FZD1: variants seen among roughly 807,000 people sequenced by gnomAD.
FZD1 encodes the protein frizzled class receptor 1.
FZD1 carries 22 observed loss-of-function variants against 48.0 expected under a neutral mutation model. That is an observed-to-expected ratio of 0.46 (90% CI 0.33 to 0.65). The LOEUF (loss-of-function observed/expected upper bound fraction) is 0.65, where lower values mean the gene tolerates loss of function less well. Ranked by LOEUF, FZD1 falls within the 30% of genes least tolerant of loss-of-function variation. FZD1 has a pLI of 0.02. For synonymous variants in FZD1, 486 were observed against 409.6 expected (o/e 1.19, Z -2.25); for missense variants, 843 against 898.1 (o/e 0.94, Z 0.78).
Position 91,266,882 on chromosome 7 carries a change from CA to C in FZD1, c.*59del, listed in dbSNP as rs1164618842. The C allele has an allele frequency of 5.2e-5, 61 of 1,175,912 alleles. No individual in the cohort carries two copies. The highest frequency in any genetic ancestry group is 5.4e-5 in the Non-Finnish European group (44 of 822,038). 72.8% of individuals were successfully genotyped at this position (1,175,912 alleles called of 1,614,324 possible). A position where few individuals can be genotyped will look rare whatever the true frequency, so the allele number is the denominator to read the frequency against. On this transcript the variant is annotated 3_prime_UTR_variant, in exon 1 of 1. Transcript: ENST00000287934. The surrounding 1 kb of genome is among the most constrained non-coding windows in gnomAD (Gnocchi z 6.8). ...CCGGGGCGCAGCGATCCCCCAAAGC[CA>C]GCGCCGTGGAGTTCGTGCCAATCCT...
Position 91,266,012 on chromosome 7 carries a change from C to A in FZD1, c.1132C>A (p.Arg378=). The A allele has an allele frequency of 6.2e-7, 1 of 1,614,146 alleles. No homozygotes were observed. The highest frequency in any genetic ancestry group is 8.5e-7 in the Non-Finnish European group (1 of 1,180,028). The change falls in exon 1 of 1, where the codon CGA becomes AGA. Residue 378 remains arginine (R), a synonymous_variant. Transcript: ENST00000287934. The surrounding 1 kb of genome is among the most constrained non-coding windows in gnomAD (Gnocchi z 6.8). ...CATCGCCGGCTTCCTCCTGGAAGAC[C>A]GAGTGGTGTGTAATGACAAGTTCGC... ...AYIAGFLLED[R]VVCNDKFAED... is the part of the protein sequence containing the mutation.
chr7:91,265,387 G>T lies in FZD1; in HGVS notation c.507G>T (p.Leu169=). Residue 169 remains leucine (L), a synonymous_variant, in exon 1 of 1, where the codon CTG becomes CTT. Transcript: ENST00000287934. The surrounding 1 kb of genome is among the most constrained non-coding windows in gnomAD (Gnocchi z 6.9). ...VQCSAELKFF[L]CSMYAPVCTV... ...GTTCCGCTGAGCTCAAGTTCTTCCT[G>T]TGCTCCATGTACGCGCCCGTGTGCA... 6.2e-7 allele frequency: 1 copy of T among 1,613,992 alleles called. No individual in the cohort carries two copies. The highest frequency in any genetic ancestry group is 8.5e-7 in the Non-Finnish European group (1 of 1,179,954).
In FZD1 at chr7:91,264,732, A is replaced by C; in HGVS notation, c.-149A>C. ...CGCGGCGGCGGCGGCTGCGGTACGC[A>C]GAACAGGAGCCGGGGGAGCGGGCCG... is the stretch of plus-strand genomic sequence containing the variant. On this transcript the variant is annotated 5_prime_UTR_variant, in exon 1 of 1. Transcript: ENST00000287934. The C allele has an allele frequency of 2.2e-6, 1 of 455,644 alleles. No homozygotes were observed. Among genetic ancestry groups the C allele is most frequent in the Non-Finnish European group, 3.6e-6 (1 of 280,328 alleles). 28.2% of individuals were successfully genotyped at this position (455,644 alleles called of 1,614,324 possible). A position where few individuals can be genotyped will look rare whatever the true frequency, so the allele number is the denominator to read the frequency against.
chr7:91,266,048 G>A lies in FZD1; in HGVS notation c.1168G>A (p.Ala390Thr), dbSNP rs778816712. Residue 390 changes from alanine (A) to threonine (T), a missense_variant, in exon 1 of 1, where the codon GCA becomes ACA. Physicochemically the swap from Ala to Thr is moderately conservative, Grantham distance 58 (BLOSUM62 0). Transcript: ENST00000287934. This position sits in a 1 kb window ranked among gnomAD's most constrained non-coding sequence, Gnocchi z 6.8. ...VCNDKFAEDG[A>T]RTVAQGTKKE... ...TAATGACAAGTTCGCCGAGGACGGG[G>A]CACGCACTGTGGCGCAGGGCACCAA... The A allele has an allele frequency of 1.2e-6, 2 of 1,614,174 alleles. No homozygotes were observed. Among genetic ancestry groups the A allele is most frequent in the Admixed American group, 1.7e-5 (1 of 60,032 alleles).
Position 91,264,923 on chromosome 7 carries a change from G to C in FZD1, c.43G>C (p.Gly15Arg). The C allele has an allele frequency of 1.5e-6, 2 of 1,337,278 alleles. No individual in the cohort carries two copies. Among genetic ancestry groups the C allele is most frequent in the Non-Finnish European group, 1.9e-6 (2 of 1,048,818 alleles). The allele number at this position is 1,337,278 out of a possible 1,614,324, so 82.8% of individuals were successfully genotyped here. A position where few individuals can be genotyped will look rare whatever the true frequency, so the allele number is the denominator to read the frequency against. ...EAPKKSRAAG[G>R]GASWELCAGA... ...GCCTAAGAAGTCCCGGGCCGCCGGC[G>C]GTGGCGCGAGCTGGGAACTTTGTGC... Residue 15 changes from glycine (G) to arginine (R), a missense_variant, in exon 1 of 1, where the codon GGT becomes CGT. Physicochemically the swap from Gly to Arg is moderately radical, Grantham distance 125 (BLOSUM62 -2). This residue lies in a region of FZD1 where 490 missense variants were observed against 466.5 expected (regional missense o/e 1.05). Coordinates refer to ENST00000287934, the MANE Select transcript of FZD1 (RefSeq NM_003505.2).
Position 91,264,468 on chromosome 7 carries a change from A to C in FZD1, c.-413A>C. On this transcript the variant is annotated 5_prime_UTR_variant, in exon 1 of 1. Transcript: ENST00000287934. ...CGCGCGAGGCAGAGGAGAGGGAGCG[A>C]GTTGAGGGATTGACACAAATGGTCA... 7.9e-6 allele frequency: 2 copies of C among 252,388 alleles called. No homozygotes were observed. The highest frequency in any genetic ancestry group is 7.6e-6 in the Non-Finnish European group (1 of 132,256). 15.6% of individuals were successfully genotyped at this position (252,388 alleles called of 1,614,324 possible).
At position 91,264,832 on chromosome 7, in the gene FZD1, G is replaced by GC. The variant is rs1439405637; in HGVS notation, c.-45dup. The GC allele has an allele frequency of 1.6e-5, 20 of 1,243,058 alleles. No individual in the cohort carries two copies. Among genetic ancestry groups the GC allele is most frequent in the Non-Finnish European group, 2.0e-5 (20 of 988,206 alleles). 77.0% of individuals were successfully genotyped at this position (1,243,058 alleles called of 1,614,324 possible). A position where few individuals can be genotyped will look rare whatever the true frequency, so the allele number is the denominator to read the frequency against. On this transcript the variant is annotated 5_prime_UTR_variant, in exon 1 of 1. Transcript: ENST00000287934. Reference sequence around the variant, plus strand: ...CGCAGGGGGAGCCGCCGCCGGCCGTGCCCCTGGCAGCCCCAGCGGAGCGGC... The same window carrying GC: ...CGCAGGGGGAGCCGCCGCCGGCCGTGCCCCCTGGCAGCCCCAGCGGAGCGGC...
At position 91,264,609 on chromosome 7, in the gene FZD1, G is replaced by A; in HGVS notation, c.-272G>A. 1 of 378,894 alleles carries A rather than the reference G, an allele frequency of 2.6e-6. No individual in the cohort carries two copies. Among genetic ancestry groups the A allele is most frequent in the Non-Finnish European group, 4.7e-6 (1 of 213,572 alleles). 23.5% of individuals were successfully genotyped at this position (378,894 alleles called of 1,614,324 possible). A position where few individuals can be genotyped will look rare whatever the true frequency, so the allele number is the denominator to read the frequency against. On this transcript the variant is annotated 5_prime_UTR_variant, in exon 1 of 1. Coordinates refer to ENST00000287934, the MANE Select transcript of FZD1 (RefSeq NM_003505.2). Reference sequence around the variant, plus strand: ...ACTAGCGCGGCGCCGCCAGCCGGGAGCCAGCGAGCCGAGGGCCAGGAAGGC... The same window carrying A: ...ACTAGCGCGGCGCCGCCAGCCGGGAACCAGCGAGCCGAGGGCCAGGAAGGC...
In FZD1 at chr7:91,264,733, G is replaced by A; in HGVS notation, c.-148G>A. 2.1e-6 allele frequency: 1 copy of A among 466,314 alleles called. No individual in the cohort carries two copies. The highest frequency in any genetic ancestry group is 3.5e-6 in the Non-Finnish European group (1 of 289,694). 28.9% of individuals were successfully genotyped at this position (466,314 alleles called of 1,614,324 possible). ...GCGGCGGCGGCGGCTGCGGTACGCAGAACAGGAGCCGGGGGAGCGGGCCGA... is the reference window on the plus strand; with the variant it reads ...GCGGCGGCGGCGGCTGCGGTACGCAAAACAGGAGCCGGGGGAGCGGGCCGA... On this transcript the variant is annotated 5_prime_UTR_variant, in exon 1 of 1. Coordinates refer to ENST00000287934, the MANE Select transcript of FZD1 (RefSeq NM_003505.2).
At position 91,265,224 on chromosome 7, in the gene FZD1, A is replaced by T. The variant is rs988874488; in HGVS notation, c.344A>T (p.Tyr115Phe). The T allele has an allele frequency of 1.2e-6, 2 of 1,613,850 alleles. No homozygotes were observed. Among genetic ancestry groups the T allele is most frequent in the African/African-American group, 2.7e-5 (2 of 74,910 alleles). Reference protein sequence around the residue: ...ERGISVPDHGYCQPISIPLCT... With the variant: ...ERGISVPDHGFCQPISIPLCT... The stretch of plus-strand genomic sequence containing the variant: ...GGCATCTCCGTCCCGGACCACGGCT[A>T]TTGCCAGCCCATCTCCATCCCGCTG... The change falls in exon 1 of 1, where the codon TAT (tyrosine) becomes TTT (phenylalanine). Residue 115 changes from tyrosine to phenylalanine, a missense_variant. Tyr to Phe is a conservative substitution (Grantham distance 22). Coordinates refer to ENST00000287934, the MANE Select transcript of FZD1 (RefSeq NM_003505.2). This position sits in a 1 kb window ranked among gnomAD's most constrained non-coding sequence, Gnocchi z 6.9.
In FZD1 at chr7:91,265,144, A is replaced by ACCGCCG. The variant is rs71292991; in HGVS notation, c.273_278dup (p.Pro92_Pro93dup). 183 of 1,565,956 alleles carry ACCGCCG rather than the reference A, an allele frequency of 1.2e-4. No individual in the cohort carries two copies. The African/African-American group carries it at 1.7e-3, about 14-fold the overall frequency. Reference sequence around the variant, plus strand: ...GCCAGGGGCCCGGGCCGGGGCAGCAACCGCCGCCGCCGCCTCAGCAGCAAC... The same window carrying ACCGCCG: ...GCCAGGGGCCCGGGCCGGGGCAGCAACCGCCGCCGCCGCCGCCGCCTCAGCAGCAAC... On this transcript the variant is annotated inframe_insertion, in exon 1 of 1. Transcript: ENST00000287934. This position sits in a 1 kb window ranked among gnomAD's most constrained non-coding sequence, Gnocchi z 6.9.
Position 91,266,809 on chromosome 7 carries a change from G to A in FZD1, c.1929G>A (p.Gly643=). Residue 643 remains glycine, a synonymous_variant, in exon 1 of 1, where the codon GGG becomes GGA. Coordinates refer to ENST00000287934, the MANE Select transcript of FZD1 (RefSeq NM_003505.2). This position sits in a 1 kb window ranked among gnomAD's most constrained non-coding sequence, Gnocchi z 6.8. ...CGAGGCTCACCAACAGCAAACAAGGGGAGACTACAGTCTGAGACCCGGGGC... is the reference window on the plus strand; with the variant it reads ...CGAGGCTCACCAACAGCAAACAAGGAGAGACTACAGTCTGAGACCCGGGGC... ...FYTRLTNSKQ[G]ETTV 6.3e-7 allele frequency: 1 copy of A among 1,591,904 alleles called. No individual in the cohort carries two copies. The highest frequency in any genetic ancestry group is 8.6e-7 in the Non-Finnish European group (1 of 1,166,928).
rs1186128539 is a variant in FZD1 at position 91,268,283 on chromosome 7, A to G, written c.*1459A>G. On this transcript the variant is annotated 3_prime_UTR_variant, in exon 1 of 1. Transcript: ENST00000287934. The stretch of plus-strand genomic sequence containing the variant: ...CTGGTAAGATTTCAGGAGGTAAAGA[A>G]GGTGGAATAATTGACGGGGAGATAG... 1 of 167,076 alleles carries G rather than the reference A, an allele frequency of 6.0e-6. No individual in the cohort carries two copies. Among genetic ancestry groups the G allele is most frequent in the Non-Finnish European group, 1.5e-5 (1 of 68,114 alleles). The allele number at this position is 167,076 out of a possible 1,614,324, so 10.3% of individuals were successfully genotyped here.
chr7:91,266,640 G>T lies in FZD1; in HGVS notation c.1760G>T (p.Gly587Val). The change falls in exon 1 of 1, where the codon GGC becomes GTC. Residue 587 changes from glycine (G) to valine (V), a missense_variant. Coordinates refer to ENST00000287934, the MANE Select transcript of FZD1 (RefSeq NM_003505.2). This position sits in a 1 kb window ranked among gnomAD's most constrained non-coding sequence, Gnocchi z 6.8. ...ATCCCCTGCCCTCACCTCCAGGCGG[G>T]CGGAGGCGCCCCGCCGCACCCGCCC... ...YAIPCPHLQA[G>V]GGAPPHPPMS... 1 of 1,612,600 alleles carries T rather than the reference G, an allele frequency of 6.2e-7. No individual in the cohort carries two copies. Among genetic ancestry groups the T allele is most frequent in the South Asian group, 1.1e-5 (1 of 91,066 alleles).
rs1475167632 is a variant in FZD1 at position 91,266,203 on chromosome 7, A to C, written c.1323A>C (p.Glu441Asp). 4 of 1,614,024 alleles carry C rather than the reference A, an allele frequency of 2.5e-6. No homozygotes were observed. In the African/African-American group the frequency reaches 5.3e-5, roughly 22 times the overall value. Reference protein sequence around the residue: ...AGMKWGHEAIEANSQYFHLAA... With the variant: ...AGMKWGHEAIDANSQYFHLAA... ...TGAAGTGGGGCCACGAGGCCATCGAAGCCAACTCACAGTATTTTCACCTGG... is the reference window on the plus strand; with the variant it reads ...TGAAGTGGGGCCACGAGGCCATCGACGCCAACTCACAGTATTTTCACCTGG... The change falls in exon 1 of 1, where the codon GAA becomes GAC. Residue 441 changes from glutamate (E) to aspartate (D), a missense_variant. This residue lies in a region of FZD1 where 353 missense variants were observed against 431.6 expected (regional missense o/e 0.82). Transcript: ENST00000287934. The surrounding 1 kb of genome is among the most constrained non-coding windows in gnomAD (Gnocchi z 6.8).
At position 91,265,996 on chromosome 7, in the gene FZD1, C is replaced by T. The variant is rs1803873458; in HGVS notation, c.1116C>T (p.Gly372=). ...YTAVAVAYIA[G]FLLEDRVVCN... ...CCGTGGCCGTGGCCTACATCGCCGG[C>T]TTCCTCCTGGAAGACCGAGTGGTGT... is the stretch of plus-strand genomic sequence containing the variant. The change falls in exon 1 of 1, where the codon GGC becomes GGT. Residue 372 remains glycine (G), a synonymous_variant. Coordinates refer to ENST00000287934, the MANE Select transcript of FZD1 (RefSeq NM_003505.2). The surrounding 1 kb of genome is among the most constrained non-coding windows in gnomAD (Gnocchi z 6.9). 6.2e-7 allele frequency: 1 copy of T among 1,614,188 alleles called. No homozygotes were observed. The highest frequency in any genetic ancestry group is 8.5e-7 in the Non-Finnish European group (1 of 1,180,030).
Position 91,266,330 on chromosome 7 carries a change from G to T in FZD1, c.1450G>T (p.Val484Leu). ...SGVCFVGLNN[V>L]DALRGFVLAP... ...AGTGTGCTTCGTGGGGCTTAACAAC[G>T]TGGACGCGCTGCGTGGCTTCGTGCT... Residue 484 changes from valine to leucine, a missense_variant, in exon 1 of 1, where the codon GTG (valine) becomes TTG (leucine). By Grantham distance (32) the Val-to-Leu change is conservative (BLOSUM62 1). Transcript: ENST00000287934. This position sits in a 1 kb window ranked among gnomAD's most constrained non-coding sequence, Gnocchi z 6.8. The T allele has an allele frequency of 1.2e-6, 2 of 1,614,146 alleles. No individual in the cohort carries two copies. The highest frequency in any genetic ancestry group is 1.1e-5 in the South Asian group (1 of 91,082).
chr7:91,266,544 A>G lies in FZD1; in HGVS notation c.1664A>G (p.Tyr555Cys), dbSNP rs1803884209. The G allele has an allele frequency of 2.5e-6, 4 of 1,613,888 alleles. No individual in the cohort carries two copies. Among genetic ancestry groups the G allele is most frequent in the Non-Finnish European group, 3.4e-6 (4 of 1,179,992 alleles). ...CCAGCCACCATCGTCATCGCCTGCT[A>G]CTTCTACGAGCAGGCCTTCCGGGAC... The part of the protein sequence containing the change: ...TVPATIVIAC[Y>C]FYEQAFRDQW... The change falls in exon 1 of 1, where the codon TAC becomes TGC. Residue 555 changes from tyrosine to cysteine, a missense_variant. This residue lies in a region of FZD1 where 353 missense variants were observed against 431.6 expected (regional missense o/e 0.82). Coordinates refer to ENST00000287934, the MANE Select transcript of FZD1 (RefSeq NM_003505.2). This position sits in a 1 kb window ranked among gnomAD's most constrained non-coding sequence, Gnocchi z 6.8.
rs746226679 is a variant in FZD1, at chr7:91,265,627, C to T, written c.747C>T (p.Ser249=). 1.9e-6 allele frequency: 3 copies of T among 1,598,362 alleles called. No homozygotes were observed. Among genetic ancestry groups the T allele is most frequent in the Non-Finnish European group, 2.6e-6 (3 of 1,172,406 alleles). Residue 249 remains serine (S), a synonymous_variant, in exon 1 of 1, where the codon AGC becomes AGT. Transcript: ENST00000287934. The surrounding 1 kb of genome is among the most constrained non-coding windows in gnomAD (Gnocchi z 6.9). The part of the protein sequence containing the change: ...TPSLLPEFWT[S]NPQHGGGGHR... ...CGCTGCTTCCAGAGTTCTGGACCAGCAACCCTCAGCACGGCGGCGGAGGGC... is the reference window on the plus strand; with the variant it reads ...CGCTGCTTCCAGAGTTCTGGACCAGTAACCCTCAGCACGGCGGCGGAGGGC...
Sources: gnomAD v4.1 joint callset for allele counts on GRCh38, gnomAD v4.1.1 for gene constraint, gnomAD v4.1.1 regional missense constraint, Gnocchi (gnomAD v3.1) non-coding constraint, MANE v1.5 for transcripts, NCBI Gene and HGNC (gene_info 2026-07-23, HGNC 2026-07-21) for gene names.